The following NXPE2 variants were observed in gnomAD, a reference collection of about 807,000 sequenced individuals.
NXPE2 encodes neurexophilin and PC-esterase domain family member 2.
In NXPE2, 34 loss-of-function variants were observed where a neutral mutation model predicts 34.4. The ratio of observed to expected loss-of-function variants is 0.99; its 90% CI spans 0.75 to 1.31. The LOEUF is 1.31. NXPE2 is among the 40% of genes most tolerant of loss of function. The pLI, the probability that NXPE2 is intolerant of heterozygous loss-of-function variation, is 0.00. For missense variants in NXPE2, 649 were observed against 672.5 expected (o/e 0.97, Z 0.39); for synonymous variants, 235 against 231.3 (o/e 1.02, Z -0.15).
chr11:114,739,330 TCCTTCCTTC>T, the NXPE2 span, among the ~76,000 whole-genome samples: 10,164 of 47,276 alleles, frequency 0.21, 1,065 homozygotes, highest in South Asian at 0.34. Context: ...CTTCCTTCCT[TCCTTCCTTC>T]CCCCCTTCCT....
chr11:114,722,649 C>T, the NXPE2 span, among the ~76,000 whole-genome samples: 1 of 152,086 alleles, frequency 6.6e-6, no homozygotes, highest in Admixed American at 6.6e-5. Context: ...CTCACAGATC[C>T]CTGAAAGAAT....
the NXPE2 span, among the ~76,000 whole-genome samples, chr11:114,491,364 C>T: frequency 3.9e-5 from 6 of 151,956 alleles, no homozygotes; most frequent in Non-Finnish European, 7.4e-5. Flanking sequence ...TGAACAGACA[C>T]TTCTCAAATG....
chr11:114,739,067 A>T, the NXPE2 span, among the ~76,000 whole-genome samples: 1 of 152,194 alleles, frequency 6.6e-6, no homozygotes, highest in Non-Finnish European at 1.5e-5. Context: ...TAATTCCAAG[A>T]TAATTTAAGC....
At chr11:114,505,211 A>G in the NXPE2 span, among the ~76,000 whole-genome samples, 2 of 152,234 alleles carry the variant, frequency 1.3e-5, no homozygotes, top group African/African-American at 4.8e-5. Flanking sequence ...AACCTCTGAT[A>G]AATGTGGGAT....
At chr11:114,608,894 C>T in the NXPE2 span, among the ~76,000 whole-genome samples, 1 of 150,232 alleles carries the variant, frequency 6.7e-6, no homozygotes, top group South Asian at 2.1e-4. Flanking sequence ...AGTATTGCCT[C>T]GTGGGTAACC....
At chr11:114,634,798 G>A in the NXPE2 span, among the ~76,000 whole-genome samples, 7 of 151,894 alleles carry the variant, frequency 4.6e-5, no homozygotes, top group African/African-American at 7.3e-5. Context: ...ATTTCTGAGG[G>A]CTCTGTTCTG....
the NXPE2 span, chr11:114,594,812 A>G: frequency 2.0e-6 from 2 of 999,718 alleles, no homozygotes; most frequent in Non-Finnish European, 3.0e-6. Context: ...ACATACAACA[A>G]AACAGAAAAG....
chr11:114,522,046 T>C, the NXPE2 span: 34 of 1,613,806 alleles, frequency 2.1e-5, no homozygotes, highest in Non-Finnish European at 2.7e-5. Flanking sequence ...CAGTGCCATA[T>C]GCAATGGTCA....
the NXPE2 span, among the ~76,000 whole-genome samples, chr11:114,631,170 T>G: frequency 2.0e-5 from 3 of 152,168 alleles, no homozygotes; most frequent in East Asian, 5.8e-4. Flanking sequence ...ATCCCATTAC[T>G]GGGTATATAC....
At chr11:114,642,226 A>G in the NXPE2 span, among the ~76,000 whole-genome samples, 1 of 151,984 alleles carries the variant, frequency 6.6e-6, no homozygotes, top group Non-Finnish European at 1.5e-5. Context: ...CCCAGTTCAA[A>G]AAACCCGGTC....
chr11:114,598,155 G>A, the NXPE2 span, among the ~76,000 whole-genome samples: 1 of 152,178 alleles, frequency 6.6e-6, no homozygotes, highest in Non-Finnish European at 1.5e-5. Flanking sequence ...CTTCATGCAA[G>A]TTCAAAACTC....
the NXPE2 span, among the ~76,000 whole-genome samples, chr11:114,634,289 T>C: frequency 6.6e-6 from 1 of 152,096 alleles, no homozygotes; most frequent in East Asian, 1.9e-4. Flanking sequence ...TCATGTCCTT[T>C]GCCCACTTTT....
At chr11:114,498,168 TACTG>T in the NXPE2 span, among the ~76,000 whole-genome samples, 3 of 152,100 alleles carry the variant, frequency 2.0e-5, no homozygotes, top group Admixed American at 1.3e-4. Context: ...CTAATTATCT[TACTG>T]ACTTCTACTA....
the NXPE2 span, among the ~76,000 whole-genome samples, chr11:114,489,830 T>TA: frequency 1.3e-5 from 2 of 152,144 alleles, no homozygotes; most frequent in Non-Finnish European, 2.9e-5. Flanking sequence ...CCACTCCTAT[T>TA]CAACATAGGG....
the NXPE2 span, among the ~76,000 whole-genome samples, chr11:114,721,313 A>G: frequency 6.6e-6 from 1 of 150,962 alleles, no homozygotes; most frequent in Admixed American, 6.6e-5. Flanking sequence ...GCAATACATG[A>G]TCCTTCAGAG....
At chr11:114,471,938 G>T in the NXPE2 span, among the ~76,000 whole-genome samples, 1 of 152,126 alleles carries the variant, frequency 6.6e-6, no homozygotes, top group South Asian at 2.1e-4. Flanking sequence ...TTATCTTACA[G>T]GTTTGCCAAA....
chr11:114,758,362 T>C, the NXPE2 span, among the ~76,000 whole-genome samples: 1 of 152,248 alleles, frequency 6.6e-6, no homozygotes, highest in Non-Finnish European at 1.5e-5. Flanking sequence ...ACTCAGCTTC[T>C]CTTCAAATGT....
At chr11:114,632,321 C>T in the NXPE2 span, among the ~76,000 whole-genome samples, 1 of 132,934 alleles carries the variant, frequency 7.5e-6, no homozygotes, top group Non-Finnish European at 1.6e-5. Context: ...TACTTATTAT[C>T]CACTGGGTAA....
the NXPE2 span, among the ~76,000 whole-genome samples, chr11:114,585,706 G>T: frequency 2.0e-5 from 3 of 152,054 alleles, no homozygotes; most frequent in African/African-American, 4.8e-5. Flanking sequence ...GACAGTGAGG[G>T]TAAAGGAGTC....
Sources: allele counts gnomAD v4.1 joint callset (sites outside exome capture counted in the v4.1 genomes callset), GRCh38; gene constraint gnomAD v4.1.1; transcripts MANE v1.5; gene names NCBI Gene and HGNC (gene_info 2026-07-23, HGNC 2026-07-21).